The following SLX4IP variants were observed in gnomAD, a reference collection of about 807,000 sequenced individuals.
SLX4IP encodes protein SLX4IP.
In SLX4IP, 34 loss-of-function variants were observed where a neutral mutation model predicts 32.9. The observed-to-expected ratio is 1.03, with a 90% confidence interval of 0.79 to 1.38. The LOEUF (loss-of-function observed/expected upper bound fraction) is 1.38, where lower values mean the gene tolerates loss of function less well. Among genes scored for constraint, SLX4IP ranks in the 40% most tolerant of loss-of-function variants. The pLI, the probability that SLX4IP is intolerant of heterozygous loss-of-function variation, is 0.00. For missense variants in SLX4IP, 444 were observed against 479.0 expected (o/e 0.93, Z 0.68); for synonymous variants, 172 against 171.7 (o/e 1.00, Z -0.01).
chr20:10,551,260 T>C (rs1439342950), intron 2 of SLX4IP, among the ~76,000 whole-genome samples: 1 of 152,262 alleles, frequency 6.6e-6, no homozygotes, highest in Non-Finnish European at 1.5e-5. Flanking sequence ...CCTAAGATTC[T>C]TGTATTCCCA....
At chr20:10,436,443 GC>G (rs1201106939) in intron 1 of SLX4IP, among the ~76,000 whole-genome samples, 1 of 151,740 alleles carries the variant, frequency 6.6e-6, no homozygotes, top group African/African-American at 2.4e-5. Flanking sequence ...TGCCATCTCC[GC>G]CCCCCGGGTT....
intron 1 of SLX4IP, among the ~76,000 whole-genome samples, chr20:10,453,044 C>T (rs2065256194): frequency 6.6e-6 from 1 of 152,030 alleles, no homozygotes; most frequent in Non-Finnish European, 1.5e-5. Context: ...ACCTCTATGC[C>T]CTCACCATAT....
chr20:10,470,721 C>T (rs565304643), intron 2 of SLX4IP, among the ~76,000 whole-genome samples: 14 of 152,242 alleles, frequency 9.2e-5, no homozygotes, highest in African/African-American at 3.1e-4. Flanking sequence ...GTCTAGCATC[C>T]GGATCCTTAT....
chr20:10,527,776 T>C (rs1215533881), intron 2 of SLX4IP, among the ~76,000 whole-genome samples: 1 of 152,238 alleles, frequency 6.6e-6, no homozygotes, highest in East Asian at 1.9e-4. Flanking sequence ...ATGTTTTGGA[T>C]AAATTGTGAT....
chr20:10,571,070 T>C (rs2066459503), intron 4 of SLX4IP, among the ~76,000 whole-genome samples: 2 of 152,196 alleles, frequency 1.3e-5, no homozygotes, highest in Admixed American at 6.5e-5. Flanking sequence ...TGGGCTTAAG[T>C]GATCCTCCTG....
chr20:10,457,258 T>C (rs2065292411), intron 1 of SLX4IP, among the ~76,000 whole-genome samples: 1 of 152,082 alleles, frequency 6.6e-6, no homozygotes, highest in Non-Finnish European at 1.5e-5. Context: ...TGAAAAGAAG[T>C]GGCAAGAGCA....
At chr20:10,577,322 C>T (rs899925782) in intron 4 of SLX4IP, among the ~76,000 whole-genome samples, 5 of 152,040 alleles carry the variant, frequency 3.3e-5, no homozygotes, top group African/African-American at 9.7e-5. Flanking sequence ...TCATTTTTAG[C>T]TTATTCAATC....
intron 2 of SLX4IP, among the ~76,000 whole-genome samples, chr20:10,474,349 C>A (rs966592921): frequency 9.9e-5 from 15 of 152,182 alleles, no homozygotes. Flanking sequence ...ATTCTTCAGT[C>A]CAAAATAATA....
rs766067547 is a variant in SLX4IP at position 10,556,290 on chromosome 20, T to A, written c.87T>A (p.Asp29Glu). ...LHILPQGSNK[D>E]TSWFSEQKKE... ...TCTTGCCACAAGGTTCAAACAAAGA[T>A]ACAAGCTGGTTTTCTGAACAGAAGA... is the stretch of plus-strand genomic sequence containing the variant. Residue 29 changes from aspartate (D) to glutamate (E), a missense_variant, in exon 3 of 8, where the codon GAT becomes GAA. Physicochemically the swap from Asp to Glu is conservative, Grantham distance 45 (BLOSUM62 2). Coordinates refer to ENST00000334534, the MANE Select transcript of SLX4IP (RefSeq NM_001009608.3). 6.2e-7 allele frequency: 1 copy of A among 1,613,498 alleles called. No homozygotes were observed. Among genetic ancestry groups the A allele is most frequent in the Non-Finnish European group, 8.5e-7 (1 of 1,179,818 alleles).
intron 2 of SLX4IP, among the ~76,000 whole-genome samples, chr20:10,507,531 A>G (rs1212810909): frequency 3.3e-5 from 5 of 152,008 alleles, no homozygotes; most frequent in African/African-American, 1.2e-4. Context: ...AGGAAGAATG[A>G]ACCCAGCATA....
Position 10,622,685 on chromosome 20 carries a change from G to A in SLX4IP, c.533G>A (p.Ser178Asn), listed in dbSNP as rs1477028797. ...GTGAAAAGAACTGAAACAAAAAGCA[G>A]TGTCACGAGCAAATCGCAGACCAGA... ...EIVKRTETKS[S>N]VTSKSQTRRD... The change falls in exon 8 of 8, where the codon AGT becomes AAT. Residue 178 changes from serine (S) to asparagine (N), a missense_variant. Coordinates refer to ENST00000334534, the MANE Select transcript of SLX4IP (RefSeq NM_001009608.3). The A allele has an allele frequency of 9.9e-6, 16 of 1,610,686 alleles. No homozygotes were observed. The highest frequency in any genetic ancestry group is 2.2e-5 in the East Asian group (1 of 44,830).
chr20:10,480,802 T>C (rs919951835), intron 2 of SLX4IP, among the ~76,000 whole-genome samples: 2 of 152,260 alleles, frequency 1.3e-5, no homozygotes, highest in Non-Finnish European at 2.9e-5. Context: ...AATTGTTTCA[T>C]GCTTGAGAAC....
intron 2 of SLX4IP, among the ~76,000 whole-genome samples, chr20:10,536,487 A>G (rs189838496): frequency 6.6e-6 from 1 of 152,318 alleles, no homozygotes; most frequent in East Asian, 1.9e-4. Context: ...TCATCCAAGG[A>G]AAAGGAAAGG....
chr20:10,438,037 A>T (rs1205520720), intron 1 of SLX4IP, among the ~76,000 whole-genome samples: 1 of 152,258 alleles, frequency 6.6e-6, no homozygotes, highest in Non-Finnish European at 1.5e-5. Context: ...AGTCACAGCC[A>T]TGTAAATATT....
intron 4 of SLX4IP, among the ~76,000 whole-genome samples, chr20:10,581,109 C>T (rs2066581800): frequency 6.6e-6 from 1 of 151,932 alleles, no homozygotes; most frequent in Non-Finnish European, 1.5e-5. Flanking sequence ...GAGACTTGCT[C>T]TAATGCATGG....
intron 1 of SLX4IP, among the ~76,000 whole-genome samples, chr20:10,452,652 G>T: frequency 8.7e-6 from 1 of 115,520 alleles, no homozygotes; most frequent in African/African-American, 3.3e-5. Flanking sequence ...GGCAACAAGA[G>T]CGAAACTGTC....
intron 2 of SLX4IP, among the ~76,000 whole-genome samples, chr20:10,489,890 C>T (rs1435665267): frequency 6.6e-6 from 1 of 152,224 alleles, no homozygotes; most frequent in African/African-American, 2.4e-5. Flanking sequence ...GAGTTATCTT[C>T]TGAAGGTGTT....
At chr20:10,468,812 C>T (rs2065400839) in intron 2 of SLX4IP, among the ~76,000 whole-genome samples, 1 of 151,910 alleles carries the variant, frequency 6.6e-6, no homozygotes, top group African/African-American at 2.4e-5. Flanking sequence ...GTTTTCTTTC[C>T]TAAGAACATC....
At chr20:10,549,156 A>T (rs1460194265) in intron 2 of SLX4IP, among the ~76,000 whole-genome samples, 1 of 152,056 alleles carries the variant, frequency 6.6e-6, no homozygotes, top group Non-Finnish European at 1.5e-5. Context: ...CTTCTCTTCT[A>T]CCCTCACAGC....
Sources: gnomAD v4.1 joint callset for allele counts (sites outside exome capture counted in the v4.1 genomes callset) on GRCh38, gnomAD v4.1.1 for gene constraint, MANE v1.5 for transcripts, NCBI Gene and HGNC (gene_info 2026-07-23, HGNC 2026-07-21) for gene names.